Variants in GRID1 observed in about 807,000 individuals in gnomAD.
The protein encoded by GRID1 is glutamate receptor ionotropic, delta-1.
In GRID1, 28 loss-of-function variants were observed where a neutral mutation model predicts 98.0. That is an observed-to-expected ratio of 0.29 (90% CI 0.21 to 0.39). The LOEUF is 0.39. Ranked by LOEUF, GRID1 falls within the 10% of genes least tolerant of loss-of-function variation. GRID1 has a pLI of 1.00. For missense variants in GRID1, 1,111 were observed against 1,340.5 expected (o/e 0.83, Z 2.67); for synonymous variants, 553 against 538.5 (o/e 1.03, Z -0.37).
At chr10:86,322,414 CGTT>C (rs767920780) in intron 2 of GRID1, among the ~76,000 whole-genome samples, 9 of 151,882 alleles carry the variant, frequency 5.9e-5, no homozygotes, top group South Asian at 2.1e-4. Context: ...TTGTTGTTGT[CGTT>C]GTTGTTGTTG....
intron 12 of GRID1, among the ~76,000 whole-genome samples, chr10:85,690,953 A>T (rs1285967416): frequency 6.6e-6 from 1 of 152,186 alleles, no homozygotes; most frequent in Non-Finnish European, 1.5e-5. Flanking sequence ...TTTACAAGGC[A>T]TTAAGGGAAA....
intron 12 of GRID1, among the ~76,000 whole-genome samples, chr10:85,652,642 C>T (rs1354596237): frequency 2.6e-5 from 4 of 152,114 alleles, no homozygotes; most frequent in Non-Finnish European, 4.4e-5. Flanking sequence ...AGAGATGATG[C>T]TGCAATCATC....
At chr10:85,805,592 G>T (rs1381243224) in intron 8 of GRID1, among the ~76,000 whole-genome samples, 1 of 151,844 alleles carries the variant, frequency 6.6e-6, no homozygotes, top group Non-Finnish European at 1.5e-5. Flanking sequence ...TGACTATAAA[G>T]CTTCAGTAAT....
intron 12 of GRID1, among the ~76,000 whole-genome samples, chr10:85,679,556 T>C (rs1330975912): frequency 6.6e-6 from 1 of 152,068 alleles, no homozygotes; most frequent in Non-Finnish European, 1.5e-5. Context: ...CAGATACAGA[T>C]ATCAATGCCC....
At chr10:85,942,321 A>G (rs1228801719) in intron 4 of GRID1, among the ~76,000 whole-genome samples, 1 of 152,142 alleles carries the variant, frequency 6.6e-6, no homozygotes, top group Non-Finnish European at 1.5e-5. Context: ...TAATCTTCTG[A>G]TGCTGCCTAT....
chr10:85,849,036 T>TC (rs1267620278), intron 8 of GRID1, among the ~76,000 whole-genome samples: 1 of 151,790 alleles, frequency 6.6e-6, no homozygotes, highest in African/African-American at 2.4e-5. Context: ...TCCACCCATA[T>TC]CCCCCTCCTC....
intron 4 of GRID1, among the ~76,000 whole-genome samples, chr10:86,029,267 G>C (rs1484174194): frequency 6.6e-6 from 1 of 152,230 alleles, no homozygotes; most frequent in East Asian, 1.9e-4. Flanking sequence ...TGATGGCACT[G>C]TCCTTGACTC....
chr10:86,194,178 T>C (rs1377236148), intron 3 of GRID1, among the ~76,000 whole-genome samples: 1 of 152,052 alleles, frequency 6.6e-6, no homozygotes. Flanking sequence ...GCCCAGCCGC[T>C]CTGCTTTCTA....
intron 4 of GRID1, among the ~76,000 whole-genome samples, chr10:86,084,194 C>G (rs1844017325): frequency 1.3e-5 from 2 of 151,958 alleles, no homozygotes; most frequent in South Asian, 4.2e-4. Context: ...GAAGGAGGCG[C>G]CCTAGGTGCC....
At chr10:86,305,684 ACT>A (rs1847750429) in intron 2 of GRID1, among the ~76,000 whole-genome samples, 1 of 152,148 alleles carries the variant, frequency 6.6e-6, no homozygotes, top group South Asian at 2.1e-4. Context: ...AACAACAGGA[ACT>A]GGGGATTCCA....
intron 8 of GRID1, among the ~76,000 whole-genome samples, chr10:85,783,475 G>T (rs1335940244): frequency 6.6e-6 from 1 of 152,198 alleles, no homozygotes; most frequent in Non-Finnish European, 1.5e-5. Context: ...TGGACAGAAA[G>T]ATAGACAGTG....
chr10:85,896,647 A>T (rs1917144), intron 5 of GRID1, among the ~76,000 whole-genome samples: 1 of 152,182 alleles, frequency 6.6e-6, no homozygotes, highest in Non-Finnish European at 1.5e-5. Context: ...TGTTTGACTT[A>T]GCTAATAAGC....
chr10:86,361,178 G>A (rs1275576559), intron 2 of GRID1, among the ~76,000 whole-genome samples: 1 of 152,152 alleles, frequency 6.6e-6, no homozygotes, highest in Non-Finnish European at 1.5e-5. Flanking sequence ...CATCCAGAGA[G>A]CTGAGCACCT....
At chr10:85,886,543 T>C (rs888146754) in intron 5 of GRID1, among the ~76,000 whole-genome samples, 7 of 152,152 alleles carry the variant, frequency 4.6e-5, no homozygotes, top group Admixed American at 6.5e-5. Flanking sequence ...ATCTCAAATA[T>C]GGCAAAATTT....
chr10:86,248,939 C>G (rs942506246), intron 2 of GRID1, among the ~76,000 whole-genome samples: 19 of 152,188 alleles, frequency 1.2e-4, no homozygotes, highest in Admixed American at 1.2e-3. Context: ...AACACTTGAG[C>G]CGTGCAGGAC....
At chr10:86,168,466 G>A (rs1384423471) in intron 3 of GRID1, among the ~76,000 whole-genome samples, 1 of 152,156 alleles carries the variant, frequency 6.6e-6, no homozygotes, top group Non-Finnish European at 1.5e-5. Context: ...TCTGAGCCCT[G>A]GGAAGCCCTT....
At chr10:86,040,235 A>C (rs1001011697) in intron 4 of GRID1, among the ~76,000 whole-genome samples, 13 of 152,272 alleles carry the variant, frequency 8.5e-5, no homozygotes, top group African/African-American at 3.1e-4. Context: ...CAGCAATCCA[A>C]CTACAGGGTA....
At chr10:85,829,646 T>C (rs1442213539) in intron 8 of GRID1, among the ~76,000 whole-genome samples, 2 of 152,152 alleles carry the variant, frequency 1.3e-5, no homozygotes, top group Non-Finnish European at 2.9e-5. Context: ...AGCATTTCTA[T>C]ACAACAACAA....
rs752035238 is a variant in GRID1 at position 85,724,652 on chromosome 10, T to G, written c.1558A>C (p.Ile520Leu). 1.2e-6 allele frequency: 2 copies of G among 1,610,880 alleles called. No individual in the cohort carries two copies. Among genetic ancestry groups the G allele is most frequent in the Non-Finnish European group, 1.7e-6 (2 of 1,178,434 alleles). The change falls in exon 11 of 16, where the codon ATC (isoleucine) becomes CTC (leucine). Residue 520 changes from isoleucine to leucine, a missense_variant. Physicochemically the swap from Ile to Leu is conservative, Grantham distance 5 (BLOSUM62 2). Transcript: ENST00000327946. The stretch of plus-strand genomic sequence containing the variant: ...CTCTCCCTCTCTGGGGTGATGGTGA[T>G]GGCAGAGATGGCCAAGTCTGCTCTC... ...SKRADLAISA[I>L]TITPERESVV... is the part of the protein sequence containing the mutation.
Sources: allele counts gnomAD v4.1 joint callset (sites outside exome capture counted in the v4.1 genomes callset), GRCh38; gene constraint gnomAD v4.1.1; transcripts MANE v1.5; gene names NCBI Gene and HGNC (gene_info 2026-07-23, HGNC 2026-07-21).